Variants in GARNL3 observed in about 807,000 individuals in gnomAD.
GARNL3 encodes the protein GTPase-activating Rap/Ran-GAP domain-like protein 3.
In GARNL3, 63 loss-of-function variants were observed where a neutral mutation model predicts 125.0. The ratio of observed to expected loss-of-function variants is 0.50; its 90% confidence interval spans 0.41 to 0.62. GARNL3 has a LOEUF of 0.62. GARNL3 is among the 20% of genes least tolerant of loss of function. GARNL3 has a pLI of 0.00. For missense variants in GARNL3, 994 were observed against 1,244.0 expected (o/e 0.80, Z 3.02); for synonymous variants, 439 against 457.5 (o/e 0.96, Z 0.52).
At chr9:127,269,903 A>G (rs1186304358) in intron 1 of GARNL3, among the ~76,000 whole-genome samples, 1 of 150,882 alleles carries the variant, frequency 6.6e-6, no homozygotes, top group Non-Finnish European at 1.5e-5. Context: ...TACTCTGTTG[A>G]CAGTGCCTTT....
intron 1 of GARNL3, among the ~76,000 whole-genome samples, chr9:127,237,381 A>G (rs2063131484): frequency 6.6e-6 from 1 of 152,166 alleles, no homozygotes; most frequent in Non-Finnish European, 1.5e-5. Flanking sequence ...CTTTTGCACC[A>G]CTGACTCAGT....
chr9:127,346,191 A>T (rs986601232), intron 16 of GARNL3, among the ~76,000 whole-genome samples: 3 of 152,252 alleles, frequency 2.0e-5, no homozygotes, highest in African/African-American at 7.2e-5. Context: ...TATATTATGA[A>T]TATGATTTTG....
intron 2 of GARNL3, chr9:127,245,440 C>T (rs112894277): frequency 1.3e-5 from 2 of 152,296 alleles, no homozygotes; most frequent in Admixed American, 1.3e-4. Context: ...ACACCTCCGT[C>T]CTTAGGAAGG....
intron 7 of GARNL3, among the ~76,000 whole-genome samples, chr9:127,329,396 G>T (rs528957342): frequency 6.6e-6 from 1 of 152,200 alleles, no homozygotes; most frequent in Admixed American, 6.5e-5. Flanking sequence ...CTACCTTGAA[G>T]ATCCTACACC....
chr9:127,246,687 G>T (rs2063309858), intron 2 of GARNL3, among the ~76,000 whole-genome samples: 1 of 152,090 alleles, frequency 6.6e-6, no homozygotes. Context: ...TGTGCCTGTA[G>T]TCCCAGCTAC....
chr9:127,313,244 A>C lies in GARNL3; in HGVS notation c.320-197A>C. On this transcript the variant is annotated intron_variant, in intron 3 of 27. Coordinates refer to ENST00000373387, the MANE Select transcript of GARNL3 (RefSeq NM_032293.5). ...TTGGCCAGAATTTGGTCACATGTTC[A>C]TTCCTGAACCAGTCACTAGCAAGGG... 4 of 563,004 alleles carry C rather than the reference A, an allele frequency of 7.1e-6. No individual in the cohort carries two copies. In the Admixed American group the frequency reaches 9.1e-5, roughly 13 times the overall value. The allele number at this position is 563,004 out of a possible 1,614,324, so 34.9% of individuals were successfully genotyped here. A position where few individuals can be genotyped will look rare whatever the true frequency, so the allele number is the denominator to read the frequency against.
upstream of GARNL3, chr9:127,263,952 G>A (rs1437324603): frequency 3.9e-6 from 6 of 1,525,988 alleles, no homozygotes; most frequent in Non-Finnish European, 1.8e-6. Flanking sequence ...GTGCCAAGAG[G>A]GCTGTAATTT....
At position 127,345,478 on chromosome 9, in the gene GARNL3, G is replaced by A; in HGVS notation, c.1431+1G>A. 1 of 1,573,372 alleles carries A rather than the reference G, an allele frequency of 6.4e-7. No individual in the cohort carries two copies. The highest frequency in any genetic ancestry group is 8.7e-7 in the Non-Finnish European group (1 of 1,149,822). Reference sequence around the variant, plus strand: ...AGCTTCAGGGATCTGTAAAAAAGAGGTGAGTTCATGATACTTTCAATTTGA... The same window carrying A: ...AGCTTCAGGGATCTGTAAAAAAGAGATGAGTTCATGATACTTTCAATTTGA... On this transcript the variant is annotated splice_donor_variant, in intron 16 of 27. Transcript: ENST00000373387. LOFTEE classifies it high-confidence loss of function.
intron 1 of GARNL3, among the ~76,000 whole-genome samples, chr9:127,287,098 G>T (rs775241192): frequency 2.0e-5 from 3 of 152,196 alleles, no homozygotes; most frequent in Non-Finnish European, 4.4e-5. Flanking sequence ...ATGTACCCAG[G>T]TGAGCTTTGG....
At chr9:127,248,662 C>A (rs1201356238) in intron 2 of GARNL3, among the ~76,000 whole-genome samples, 2 of 121,900 alleles carry the variant, frequency 1.6e-5, no homozygotes, top group East Asian at 2.4e-4. Context: ...AGCTGGAGTG[C>A]AGTGGTGTGA....
chr9:127,226,974 A>G (rs768042257), intron 1 of GARNL3, among the ~76,000 whole-genome samples: 4 of 152,246 alleles, frequency 2.6e-5, no homozygotes, highest in East Asian at 3.8e-4. Flanking sequence ...CCTATAATCC[A>G]TGCTGTCTGT....
chr9:127,275,006 C>G (rs1264267956), intron 1 of GARNL3, among the ~76,000 whole-genome samples: 1 of 152,160 alleles, frequency 6.6e-6, no homozygotes, highest in East Asian at 1.9e-4. Context: ...GTGTGCCCGC[C>G]TCAACTTTCA....
At chr9:127,244,416 C>T (rs1384743635) in intron 2 of GARNL3, among the ~76,000 whole-genome samples, 1 of 152,154 alleles carries the variant, frequency 6.6e-6, no homozygotes, top group East Asian at 1.9e-4. Flanking sequence ...TGTTGATAGG[C>T]AGTAAACCAA....
At chr9:127,355,117 CT>C (rs1191977933) in intron 19 of GARNL3, among the ~76,000 whole-genome samples, 179 bp from the exon 20 acceptor site, 2 of 152,186 alleles carry the variant, frequency 1.3e-5, no homozygotes, top group Non-Finnish European at 2.9e-5. Context: ...CTTAATTTTC[CT>C]GTAACTCAAC....
intron 1 of GARNL3, among the ~76,000 whole-genome samples, chr9:127,226,588 TCA>T (rs2062917757): frequency 6.6e-6 from 1 of 152,220 alleles, no homozygotes; most frequent in East Asian, 1.9e-4. Context: ...CTTATTCATA[TCA>T]CACTCTTCTC....
intron 22 of GARNL3, among the ~76,000 whole-genome samples, chr9:127,367,577 A>G (rs1831352442): frequency 1.3e-5 from 2 of 152,194 alleles, no homozygotes; most frequent in South Asian, 4.1e-4. Context: ...TAAATAATTA[A>G]ACTCTATTTT....
In GARNL3 at chr9:127,381,973, T is replaced by C. The variant is rs190747213; in HGVS notation, c.2162-1465T>C. 2.6e-5 allele frequency among the ~76,000 whole-genome samples: 4 copies of C among 152,228 alleles called. No individual in the cohort carries two copies. In the East Asian group the frequency reaches 7.7e-4, roughly 29 times the overall value. On this transcript the variant is annotated intron_variant, in intron 22 of 27. Coordinates refer to ENST00000373387, the MANE Select transcript of GARNL3 (RefSeq NM_032293.5). ...GTTGTTGTGTGTCAATAATTAACATTCAGATGTTTAGTAACATCCATTCTT... is the reference window on the plus strand; with the variant it reads ...GTTGTTGTGTGTCAATAATTAACATCCAGATGTTTAGTAACATCCATTCTT...
chr9:127,349,821 G>A (rs374222790), intron 17 of GARNL3, among the ~76,000 whole-genome samples: 8 of 152,290 alleles, frequency 5.3e-5, no homozygotes, highest in Non-Finnish European at 7.4e-5. Context: ...GCATTTCCTC[G>A]GACTGCCCAG....
intron 14 of GARNL3, among the ~76,000 whole-genome samples, chr9:127,342,853 A>G (rs1829936105): frequency 6.6e-6 from 1 of 151,106 alleles, no homozygotes; most frequent in Non-Finnish European, 1.5e-5. Flanking sequence ...GATGAGACCC[A>G]ACACCTTTCT....
Sources: gnomAD v4.1 joint callset for allele counts (sites outside exome capture counted in the v4.1 genomes callset) on GRCh38, gnomAD v4.1.1 for gene constraint, MANE v1.5 for transcripts, NCBI Gene and HGNC (gene_info 2026-07-23, HGNC 2026-07-21) for gene names.